KDM6A: variants seen among roughly 807,000 people sequenced by gnomAD.
KDM6A encodes lysine demethylase 6A, also known as lysine-specific demethylase 6A.
In KDM6A, 11 loss-of-function variants were observed where a neutral mutation model predicts 117.6. That is an observed-to-expected ratio of 0.09 (90% confidence interval 0.06 to 0.15). The LOEUF (loss-of-function observed/expected upper bound fraction) is 0.15, where lower values mean the gene tolerates loss of function less well. Among genes scored for constraint, KDM6A ranks in the 10% least tolerant of loss-of-function variants. The probability of loss-of-function intolerance (pLI) is 1.00; values close to 1 mark genes in which losing one functional copy is unlikely to be tolerated. For missense variants in KDM6A, 799 were observed against 1,077.3 expected (o/e 0.74, Z 3.62); for synonymous variants, 384 against 396.1 (o/e 0.97, Z 0.36).
rs1274720087 is a variant in KDM6A at position 45,049,999 on chromosome X, G to C, written c.655-1710G>C. ...CTAATTAACTTTTTTTAGACCAGAT[G>C]AGTGTTTTGGGGGAACTAGTTTAGC... On this transcript the variant is annotated intron_variant, in intron 8 of 29. Coordinates refer to ENST00000611820, the MANE Select transcript of KDM6A (RefSeq NM_001291415.2). 2.7e-5 allele frequency among the ~76,000 whole-genome samples: 3 copies of C among 112,782 alleles called. 1 individual carries two copies. In the Admixed American group the frequency reaches 2.8e-4, roughly 11 times the overall value.
chrX:44,883,538 A>G (rs951798511), intron 2 of KDM6A, among the ~76,000 whole-genome samples: 2 of 110,011 alleles, frequency 1.8e-5, no homozygotes, highest in Admixed American at 2.0e-4. Flanking sequence ...ATGCCTAGCT[A>G]ATTTTTTTGA....
chrX:44,932,799 G>A (rs1471798211), intron 2 of KDM6A, among the ~76,000 whole-genome samples: 2 of 111,010 alleles, frequency 1.8e-5, no homozygotes, highest in Non-Finnish European at 3.8e-5. Context: ...GAGACTTATC[G>A]TGAAAAACAG....
chrX:44,931,929 T>C (rs948299039), intron 2 of KDM6A, among the ~76,000 whole-genome samples: 1 of 109,796 alleles, frequency 9.1e-6, no homozygotes, highest in African/African-American at 3.3e-5. Context: ...TTATTTGGTG[T>C]TCTTTTAGTT....
intron 2 of KDM6A, among the ~76,000 whole-genome samples, chrX:44,881,659 T>G (rs2032305749): frequency 9.0e-6 from 1 of 110,980 alleles, no homozygotes; most frequent in Admixed American, 9.7e-5. Context: ...CTTGTATGCT[T>G]TTTGTAATTT....
At chrX:44,982,709 G>A (rs1213416881) in intron 4 of KDM6A, among the ~76,000 whole-genome samples, 1 of 111,580 alleles carries the variant, frequency 9.0e-6, no homozygotes, top group African/African-American at 3.3e-5. Flanking sequence ...CTTCTTACCA[G>A]CCCTGAATTT....
At chrX:45,023,786 G>T (rs1261216217) in intron 6 of KDM6A, among the ~76,000 whole-genome samples, 8 of 110,210 alleles carry the variant, frequency 7.3e-5, no homozygotes, top group Non-Finnish European at 7.6e-5. Flanking sequence ...CTTTTATCCC[G>T]CACCCCCTTG....
At chrX:44,901,417 G>T (rs890386418) in intron 2 of KDM6A, among the ~76,000 whole-genome samples, 4 of 110,836 alleles carry the variant, frequency 3.6e-5, no homozygotes, top group Non-Finnish European at 7.5e-5. Context: ...GTTTGTCACG[G>T]ATAGTGTTCC....
intron 8 of KDM6A, among the ~76,000 whole-genome samples, chrX:45,041,472 G>A (rs1288484063): frequency 9.5e-6 from 1 of 104,979 alleles, no homozygotes; most frequent in African/African-American, 3.5e-5. Flanking sequence ...GCTGCCGGGC[G>A]GAGACGCTCC....
intron 4 of KDM6A, among the ~76,000 whole-genome samples, chrX:44,992,124 ACC>A (rs746769022): frequency 9.2e-5 from 10 of 109,240 alleles, no homozygotes; most frequent in African/African-American, 3.3e-4. Context: ...TATTCTAAAT[ACC>A]TTTCTACAAA....
At chrX:44,937,927 T>C (rs1236005311) in intron 2 of KDM6A, among the ~76,000 whole-genome samples, 2 of 110,695 alleles carry the variant, frequency 1.8e-5, no homozygotes, top group Non-Finnish European at 3.8e-5. Context: ...CGGCATGATA[T>C]GGTGTAAGCT....
At chrX:44,916,494 GT>G (rs914806361) in intron 2 of KDM6A, among the ~76,000 whole-genome samples, 2 of 110,854 alleles carry the variant, frequency 1.8e-5, no homozygotes, top group Non-Finnish European at 3.8e-5. Context: ...TGCCTTTACT[GT>G]TTAAAAGAGG....
Position 45,034,971 on chromosome X carries a change from T to C in KDM6A, c.605T>C (p.Leu202Ser). 3 of 1,196,849 alleles carry C rather than the reference T, an allele frequency of 2.5e-6. No homozygotes were observed. The highest frequency in any genetic ancestry group is 3.4e-6 in the Non-Finnish European group (3 of 881,787). The change falls in exon 7 of 30, where the codon TTG becomes TCG. Residue 202 changes from leucine to serine, a missense_variant. Leu to Ser is a moderately radical substitution (Grantham distance 145). Transcript: ENST00000611820. ...TTGGTTGACTGTAATCCCTGCACTT[T>C]GTCCAATGCTGAAAGTAAGTATTAT... ...LALVDCNPCTLSNAEIQFHIA... is the reference protein window; with the variant it reads ...LALVDCNPCTSSNAEIQFHIA...
chrX:44,943,613 G>A (rs2037462369), intron 2 of KDM6A, among the ~76,000 whole-genome samples: 1 of 112,122 alleles, frequency 8.9e-6, no homozygotes, highest in African/African-American at 3.2e-5. Context: ...CATGTGTTAC[G>A]TCAGTAGTTC....
intron 25 of KDM6A, among the ~76,000 whole-genome samples, chrX:45,088,489 G>A (rs1396586231): frequency 8.8e-6 from 1 of 113,189 alleles, no homozygotes; most frequent in Non-Finnish European, 1.9e-5. Flanking sequence ...ATTCTAATGA[G>A]TTTTTTTTAC....
chrX:45,061,731 A>G (rs1447789929), intron 15 of KDM6A, among the ~76,000 whole-genome samples: 1 of 109,161 alleles, frequency 9.2e-6, no homozygotes, highest in Non-Finnish European at 1.9e-5. Context: ...ACCTCAAGTG[A>G]TCCACCTACC....
chrX:44,908,391 G>A (rs1421799772), intron 2 of KDM6A, among the ~76,000 whole-genome samples: 1 of 111,389 alleles, frequency 9.0e-6, no homozygotes, highest in Admixed American at 9.6e-5. Context: ...TTTGCTGTAC[G>A]TGTTTGGGGC....
intron 2 of KDM6A, among the ~76,000 whole-genome samples, chrX:44,954,705 C>T (rs2038218924): frequency 9.0e-6 from 1 of 110,761 alleles, no homozygotes; most frequent in Non-Finnish European, 1.9e-5. Flanking sequence ...GGACTGGAGC[C>T]AAGTACTCAC....
intron 4 of KDM6A, among the ~76,000 whole-genome samples, chrX:45,006,172 C>T (rs1267059992): frequency 3.8e-4 from 34 of 89,052 alleles, no homozygotes; most frequent in South Asian, 1.6e-3. Context: ...CGCCCCCCCC[C>T]GCCGCCATGT....
chrX:45,093,941 G>T (rs994383990), intron 27 of KDM6A, among the ~76,000 whole-genome samples: 1 of 110,245 alleles, frequency 9.1e-6, no homozygotes, highest in African/African-American at 3.3e-5. Flanking sequence ...TTTGCCCTAC[G>T]CTACAAAATG....
Sources: allele counts gnomAD v4.1 joint callset (sites outside exome capture counted in the v4.1 genomes callset), GRCh38; gene constraint gnomAD v4.1.1; transcripts MANE v1.5; gene names NCBI Gene and HGNC (gene_info 2026-07-23, HGNC 2026-07-21).